LDB2: variants seen among roughly 807,000 people sequenced by gnomAD.
The protein encoded by LDB2 is LIM domain binding 2, also known as LIM domain-binding protein 2.
A neutral mutation model predicts 44.3 loss-of-function variants in LDB2; 12 were observed. The observed-to-expected ratio is 0.27, with a 90% CI of 0.17 to 0.44. LDB2 has a LOEUF of 0.44. Ranked by LOEUF, LDB2 falls within the 20% of genes least tolerant of loss-of-function variation. The probability of loss-of-function intolerance (pLI) is 1.00; values close to 1 mark genes in which losing one functional copy is unlikely to be tolerated. For synonymous variants in LDB2, 164 were observed against 174.8 expected, an observed-to-expected ratio of 0.94 and a Z score of 0.49; for missense variants, 344 against 473.5, an observed-to-expected ratio of 0.73 and a Z score of 2.54.
chr4:16,536,588 A>T (rs1056762510), intron 5 of LDB2, among the ~76,000 whole-genome samples: 1 of 152,206 alleles, frequency 6.6e-6, no homozygotes, highest in Non-Finnish European at 1.5e-5. Context: ...TGTTAACTCA[A>T]ATTGTACTAT....
intron 5 of LDB2, among the ~76,000 whole-genome samples, chr4:16,531,399 G>A (rs1730107851): frequency 6.6e-6 from 1 of 152,206 alleles, no homozygotes; most frequent in Non-Finnish European, 1.5e-5. Flanking sequence ...ACAATCATGT[G>A]TGAAGGTGAA....
intron 2 of LDB2, among the ~76,000 whole-genome samples, chr4:16,681,734 C>T (rs1262553663): frequency 3.4e-5 from 5 of 146,068 alleles, no homozygotes; most frequent in African/African-American, 5.1e-5. Context: ...CGAGGCCTGG[C>T]TCATTTTTTT....
chr4:16,602,223 C>T (rs987102429), intron 2 of LDB2, among the ~76,000 whole-genome samples: 3 of 152,084 alleles, frequency 2.0e-5, no homozygotes, highest in African/African-American at 7.2e-5. Context: ...AGAGAATAAA[C>T]TTGATAGCTC....
At position 16,821,395 on chromosome 4, in the gene LDB2, T is replaced by TA. The variant is rs199592097; in HGVS notation, c.133-62136_133-62135insT. Among the ~76,000 whole-genome samples the TA allele has an allele frequency of 7.3e-3, 1,100 of 150,220 alleles. 18 individuals carry two copies. Among genetic ancestry groups the TA allele is most frequent in the African/African-American group, 0.025 (1,047 of 41,198 alleles). ...ATTTGAATTTTTTTTTTATTTTTTT[T>TA]TTTTTGGAGACGGAGTCTCGCTCTG... On this transcript the variant is annotated intron_variant, in intron 1 of 7. Coordinates refer to ENST00000304523, the MANE Select transcript of LDB2 (RefSeq NM_001290.5).
chr4:16,505,761 T>C, intron 7 of LDB2: 3 of 1,424,370 alleles, frequency 2.1e-6, no homozygotes, highest in Non-Finnish European at 2.8e-6. Flanking sequence ...CTTCTGCTCC[T>C]TGCTGGAAGC....
At chr4:16,754,718 G>A (rs1476952057) in intron 2 of LDB2, among the ~76,000 whole-genome samples, 1 of 152,030 alleles carries the variant, frequency 6.6e-6, no homozygotes, top group Non-Finnish European at 1.5e-5. Context: ...TTTTAATAGA[G>A]ACAGGGTTTC....
chr4:16,513,874 CA>C (rs1722708675), intron 5 of LDB2, among the ~76,000 whole-genome samples: 2 of 152,196 alleles, frequency 1.3e-5, no homozygotes, highest in South Asian at 4.1e-4. Flanking sequence ...CTATCCCCGC[CA>C]AAGGTAGACA....
intron 2 of LDB2, among the ~76,000 whole-genome samples, chr4:16,666,662 C>T (rs756958765): frequency 1.2e-4 from 19 of 152,106 alleles, no homozygotes; most frequent in Non-Finnish European, 2.2e-4. Context: ...TTACCTGCTG[C>T]GAGGTAACAG....
At chr4:16,622,078 A>G (rs1374448124) in intron 2 of LDB2, among the ~76,000 whole-genome samples, 1 of 152,238 alleles carries the variant, frequency 6.6e-6, no homozygotes, top group Non-Finnish European at 1.5e-5. Context: ...AAATCTATAC[A>G]AAGAGGCTAC....
At chr4:16,653,248 G>A (rs1473835991) in intron 2 of LDB2, among the ~76,000 whole-genome samples, 1 of 151,916 alleles carries the variant, frequency 6.6e-6, no homozygotes, top group African/African-American at 2.4e-5. Flanking sequence ...TTCATTTTTT[G>A]GCTTCTGCTA....
intron 5 of LDB2, among the ~76,000 whole-genome samples, chr4:16,516,117 G>A (rs893861451): frequency 4.6e-5 from 7 of 151,344 alleles, no homozygotes; most frequent in Non-Finnish European, 8.8e-5. Context: ...TGCCCACCTC[G>A]ACCTCCCAAA....
chr4:16,554,501 C>T (rs1383825660), intron 5 of LDB2, among the ~76,000 whole-genome samples: 1 of 152,098 alleles, frequency 6.6e-6, no homozygotes, highest in Non-Finnish European at 1.5e-5. Context: ...GTTTTTTAAA[C>T]CATTAGCTCT....
At chr4:16,855,317 T>G (rs183168813) in intron 1 of LDB2, among the ~76,000 whole-genome samples, 10 of 152,254 alleles carry the variant, frequency 6.6e-5, no homozygotes, top group African/African-American at 2.4e-4. Flanking sequence ...GTCACCACCA[T>G]GCACTCAGAG....
chr4:16,780,734 C>A (rs1474624994), intron 1 of LDB2, among the ~76,000 whole-genome samples: 3 of 145,702 alleles, frequency 2.1e-5, no homozygotes, highest in Non-Finnish European at 4.5e-5. Context: ...TTTTTTTGTA[C>A]AACTCAAAAA....
chr4:16,593,918 G>A (rs976358117), intron 3 of LDB2, among the ~76,000 whole-genome samples: 16 of 152,184 alleles, frequency 1.1e-4, no homozygotes, highest in African/African-American at 3.9e-4. Flanking sequence ...CAAATGTTCA[G>A]CACTAAACTT....
intron 2 of LDB2, among the ~76,000 whole-genome samples, chr4:16,649,253 C>T (rs560550651): frequency 5.3e-5 from 8 of 152,266 alleles, no homozygotes; most frequent in Admixed American, 2.6e-4. Context: ...ATACTGGGAA[C>T]GAAATGCTTC....
At chr4:16,755,673 C>T (rs1190205863) in intron 2 of LDB2, among the ~76,000 whole-genome samples, 1 of 152,066 alleles carries the variant, frequency 6.6e-6, no homozygotes, top group Non-Finnish European at 1.5e-5. Context: ...CCGTTTTTAG[C>T]CCTAATGTTC....
chr4:16,777,719 A>G (rs144769000), intron 1 of LDB2, among the ~76,000 whole-genome samples: 11 of 152,222 alleles, frequency 7.2e-5, no homozygotes, highest in African/African-American at 2.6e-4. Context: ...CGGTTTCCCC[A>G]TCTGTAAAAT....
chr4:16,862,006 T>A (rs889511126), intron 1 of LDB2, among the ~76,000 whole-genome samples: 1 of 152,172 alleles, frequency 6.6e-6, no homozygotes, highest in African/African-American at 2.4e-5. Flanking sequence ...AGTTTCTTCC[T>A]CAGGAAGATG....
Sources: gnomAD v4.1 joint callset for allele counts (sites outside exome capture counted in the v4.1 genomes callset) on GRCh38, gnomAD v4.1.1 for gene constraint, MANE v1.5 for transcripts, NCBI Gene and HGNC (gene_info 2026-07-23, HGNC 2026-07-21) for gene names.